Variants in FAM135B observed in about 807,000 individuals in gnomAD.
FAM135B encodes protein FAM135B.
Under a neutral mutation model 127.7 loss-of-function variants are expected in FAM135B, and 43 were observed. That is an observed-to-expected ratio of 0.34 (90% CI 0.26 to 0.43). FAM135B has a LOEUF of 0.43. Among genes scored for constraint, FAM135B ranks in the 20% least tolerant of loss-of-function variants. The pLI, the probability that FAM135B is intolerant of heterozygous loss-of-function variation, is 1.00. For synonymous variants in FAM135B, 670 were observed against 665.1 expected (o/e 1.01, Z -0.11); for missense variants, 1,558 against 1,725.6 (o/e 0.90, Z 1.72).
At position 138,176,008 on chromosome 8, in the gene FAM135B, C is replaced by CA. The variant is rs1266270442; in HGVS notation, c.1103+1338_1103+1339insT. On this transcript the variant is annotated intron_variant, in intron 11 of 19. Transcript: ENST00000395297. ...TATGTCCTCACAATTGCTGTCTTAC[C>CA]CACTGTGTGGATAAGGAAGCTGAGA... 2.0e-5 allele frequency among the ~76,000 whole-genome samples: 3 copies of CA among 152,160 alleles called. No individual in the cohort carries two copies. In the East Asian group the frequency reaches 5.8e-4, roughly 29 times the overall value.
At chr8:138,178,336 G>C (rs1285414420) in intron 10 of FAM135B, among the ~76,000 whole-genome samples, 199 bp downstream of exon 10, 1 of 152,120 alleles carries the variant, frequency 6.6e-6, no homozygotes, top group Non-Finnish European at 1.5e-5. Flanking sequence ...AGATTGCCAA[G>C]GCAAGTATTC....
intron 3 of FAM135B, among the ~76,000 whole-genome samples, chr8:138,271,742 T>G (rs1004784951): frequency 6.6e-6 from 1 of 152,208 alleles, no homozygotes; most frequent in African/African-American, 2.4e-5. Flanking sequence ...TAGATGTTAT[T>G]TATTAATTAT....
chr8:138,272,751 TTTCCTTC>T (rs1823479330), intron 3 of FAM135B, among the ~76,000 whole-genome samples: 1 of 152,210 alleles, frequency 6.6e-6, no homozygotes, highest in Admixed American at 6.5e-5. Flanking sequence ...ACCCACTGGA[TTTCCTTC>T]GATTGGTCAT....
intron 2 of FAM135B, among the ~76,000 whole-genome samples, chr8:138,344,298 G>A (rs879746834): frequency 6.6e-6 from 1 of 152,224 alleles, no homozygotes; most frequent in Non-Finnish European, 1.5e-5. Flanking sequence ...GGTGGCCAAT[G>A]CAGTGCAATG....
chr8:138,224,787 A>G (rs773911844), intron 7 of FAM135B, among the ~76,000 whole-genome samples: 1 of 152,168 alleles, frequency 6.6e-6, no homozygotes, highest in Non-Finnish European at 1.5e-5. Flanking sequence ...AATACCCTGA[A>G]GGACATTATT....
chr8:138,261,379 C>A (rs1004855416), intron 4 of FAM135B, among the ~76,000 whole-genome samples: 2 of 152,140 alleles, frequency 1.3e-5, no homozygotes, highest in Non-Finnish European at 2.9e-5. Context: ...GAGTGGCAAG[C>A]ATTTTGTTGT....
At chr8:138,234,595 AT>A (rs1294206064) in intron 7 of FAM135B, among the ~76,000 whole-genome samples, 3 of 152,180 alleles carry the variant, frequency 2.0e-5, no homozygotes, top group Non-Finnish European at 4.4e-5. Flanking sequence ...CCTGAAAAAC[AT>A]TTTTTTCTGG....
intron 2 of FAM135B, among the ~76,000 whole-genome samples, chr8:138,328,250 A>T (rs974547897): frequency 9.2e-5 from 14 of 152,140 alleles, no homozygotes; most frequent in African/African-American, 3.4e-4. Flanking sequence ...CCCATTTTAC[A>T]ACTCTAAATG....
Position 138,148,573 on chromosome 8 carries a change from T to A in FAM135B, c.3395A>T (p.Glu1132Val), listed in dbSNP as rs765014070. Residue 1132 changes from glutamate to valine, a missense_variant, in exon 14 of 20, where the codon GAA becomes GTA. Glu to Val is a moderately radical substitution (Grantham distance 121). Around this residue, in one of 5 missense-constraint regions of FAM135B, gnomAD observed 923 missense variants for 865.3 expected, o/e 1.07. Transcript: ENST00000395297. Reference sequence around the variant, plus strand: ...GTGAATTCCATCTTCCAAATTTTCTTCCTCTTCCTCTGGTGGGAAATATGG... The same window carrying A: ...GTGAATTCCATCTTCCAAATTTTCTACCTCTTCCTCTGGTGGGAAATATGG... Reference protein sequence around the residue: ...DIPYFPPEEEEENLEDGIHLV... With the variant: ...DIPYFPPEEEVENLEDGIHLV... 6 of 1,614,024 alleles carry A rather than the reference T, an allele frequency of 3.7e-6. No individual in the cohort carries two copies. Among genetic ancestry groups the A allele is most frequent in the Middle Eastern group, 1.7e-4 (1 of 6,060 alleles).
At chr8:138,491,236 A>G (rs1476185207) in intron 1 of FAM135B, among the ~76,000 whole-genome samples, 1 of 152,206 alleles carries the variant, frequency 6.6e-6, no homozygotes, top group Non-Finnish European at 1.5e-5. Flanking sequence ...TATATCATCA[A>G]TTAAAACATA....
chr8:138,229,257 C>T (rs1354478012), intron 7 of FAM135B, among the ~76,000 whole-genome samples: 1 of 152,174 alleles, frequency 6.6e-6, no homozygotes, highest in Non-Finnish European at 1.5e-5. Flanking sequence ...CCTGCTAGAA[C>T]CTGAGTCTGA....
At chr8:138,259,996 G>A (rs1474571651) in intron 4 of FAM135B, among the ~76,000 whole-genome samples, 1 of 152,180 alleles carries the variant, frequency 6.6e-6, no homozygotes, top group Non-Finnish European at 1.5e-5. Flanking sequence ...GGGTCTCTTT[G>A]CAGGAGCCAG....
rs142002378 is a variant in FAM135B, at chr8:138,251,693, C to A, written c.369-679G>T. ...GTCTAAGAGATTAAACCAACTGGCA[C>A]ACGACCCAACAGCATCTTTGGTGAT... On this transcript the variant is annotated intron_variant, in intron 5 of 19. Coordinates refer to ENST00000395297, the MANE Select transcript of FAM135B (RefSeq NM_015912.4). Among the ~76,000 whole-genome samples the A allele has an allele frequency of 2.6e-5, 4 of 152,138 alleles. No individual in the cohort carries two copies. The East Asian group carries it at 5.8e-4, about 22-fold the overall frequency.
intron 1 of FAM135B, among the ~76,000 whole-genome samples, chr8:138,429,601 T>G (rs556792003): frequency 6.6e-6 from 1 of 152,188 alleles, no homozygotes; most frequent in Non-Finnish European, 1.5e-5. Flanking sequence ...GGTTCCTTTA[T>G]AGCAATTTTA....
Position 138,407,411 on chromosome 8 carries a change from A to C in FAM135B, c.-19-39409T>G, listed in dbSNP as rs906020388. ...TCACTGAATTGGAAAAAACTACTTTAAAGTTCATATGGAACCAAAAAAGAG... is the reference window on the plus strand; with the variant it reads ...TCACTGAATTGGAAAAAACTACTTTCAAGTTCATATGGAACCAAAAAAGAG... On this transcript the variant is annotated intron_variant, in intron 1 of 19. Coordinates refer to ENST00000395297, the MANE Select transcript of FAM135B (RefSeq NM_015912.4). 5.4e-3 allele frequency among the ~76,000 whole-genome samples: 821 copies of C among 152,208 alleles called. 6 individuals carry two copies. Among genetic ancestry groups the C allele is most frequent in the African/African-American group, 0.019 (770 of 41,452 alleles).
chr8:138,315,141 A>G (rs1026006154), intron 2 of FAM135B, among the ~76,000 whole-genome samples: 11 of 152,286 alleles, frequency 7.2e-5, no homozygotes, highest in African/African-American at 2.4e-4. Context: ...TAATAATCCA[A>G]TTTAAAAGGA....
chr8:138,262,131 G>C (rs1317439401), intron 4 of FAM135B, among the ~76,000 whole-genome samples: 4 of 152,178 alleles, frequency 2.6e-5, no homozygotes, highest in African/African-American at 9.7e-5. Flanking sequence ...ATGTGAAATA[G>C]ACTCCCCATT....
chr8:138,393,448 T>A (rs1832692994), intron 1 of FAM135B, among the ~76,000 whole-genome samples: 1 of 150,520 alleles, frequency 6.6e-6, no homozygotes, highest in East Asian at 1.9e-4. Flanking sequence ...TAGGACACTG[T>A]TTTAGTGAAA....
chr8:138,359,708 G>T (rs994265225), intron 2 of FAM135B, among the ~76,000 whole-genome samples: 8 of 152,156 alleles, frequency 5.3e-5, no homozygotes, highest in Non-Finnish European at 8.8e-5. Flanking sequence ...TTAATCACTG[G>T]CAAGCAAAGA....
Sources: allele counts gnomAD v4.1 joint callset (sites outside exome capture counted in the v4.1 genomes callset), GRCh38; gene constraint gnomAD v4.1.1; regional missense constraint gnomAD v4.1.1; transcripts MANE v1.5; gene names NCBI Gene and HGNC (gene_info 2026-07-23, HGNC 2026-07-21).